SGSM3: variants seen among roughly 807,000 people sequenced by gnomAD.
SGSM3 encodes RUN and SH3 containing 3.
In SGSM3, 96 loss-of-function variants were observed where a neutral mutation model predicts 100.5. The observed-to-expected ratio is 0.96, with a 90% CI of 0.81 to 1.13. The LOEUF is 1.13. Among genes scored for constraint, SGSM3 ranks in the 50% most tolerant of loss-of-function variants. The pLI, the probability that SGSM3 is intolerant of heterozygous loss-of-function variation, is 0.00. For synonymous variants in SGSM3, 483 were observed against 422.8 expected (o/e 1.14, Z -1.75); for missense variants, 1,001 against 1,015.8 (o/e 0.99, Z 0.20).
Position 40,409,524 on chromosome 22 carries a change from A to G in SGSM3, c.2171A>G (p.Glu724Gly), listed in dbSNP as rs750288809. The stretch of plus-strand genomic sequence containing the variant: ...GACTGGGAGCTCCCTGCGAAGAGAG[A>G]GGTGGGTGGTGTGGGCCTCGTAGGG... ...SQDWELPAKR[E>G]AQQPLKEGVR... Residue 724 changes from glutamate (E) to glycine (G), a missense_variant and splice_region_variant, in exon 21 of 22, where the codon GAG becomes GGG. By Grantham distance (98) the Glu-to-Gly change is moderately conservative (BLOSUM62 -2). Transcript: ENST00000248929. 1.3e-6 allele frequency: 2 copies of G among 1,599,572 alleles called. No homozygotes were observed. The highest frequency in any genetic ancestry group is 1.7e-6 in the Non-Finnish European group (2 of 1,173,652).
chr22:40,387,467 A>G (rs1231027132), intron 1 of SGSM3: 1 of 346,628 alleles, frequency 2.9e-6, no homozygotes, highest in African/African-American at 2.1e-5. Context: ...TGTAAACTAT[A>G]TTTATGATCT....
intron 1 of SGSM3, among the ~76,000 whole-genome samples, chr22:40,400,197 A>C (rs1014888672): frequency 2.0e-5 from 3 of 152,198 alleles, no homozygotes; most frequent in Non-Finnish European, 4.4e-5. Flanking sequence ...AAAATGGCAA[A>C]AGTAAATTTT....
rs1427201526 is a variant in SGSM3 at position 40,398,681 on chromosome 22, A to G, written c.-111-2015A>G. On this transcript the variant is annotated intron_variant, in intron 1 of 21. Transcript: ENST00000248929. ...TATCGGCAATTTAATATGGTTCAAC[A>G]TAGTTTTTAGTATACCTCAATGAGG... Among the ~76,000 whole-genome samples the G allele has an allele frequency of 1.4e-5, 2 of 141,364 alleles. 1 individual carries two copies. Among genetic ancestry groups the G allele is most frequent in the Non-Finnish European group, 3.1e-5 (2 of 65,242 alleles). 92.7% of individuals were successfully genotyped at this position (141,364 alleles called of 152,430 possible).
chr22:40,394,998 T>C (rs6001900), intron 1 of SGSM3, among the ~76,000 whole-genome samples: 47,530 of 152,156 alleles, frequency 0.31, 9,711 homozygotes, highest in African/African-American at 0.55. Context: ...TGCCACGTGC[T>C]GAATATTGTT....
chr22:40,407,609 C>G lies in SGSM3; in HGVS notation c.1524+41C>G. The G allele has an allele frequency of 6.3e-7, 1 of 1,590,932 alleles. No homozygotes were observed. The highest frequency in any genetic ancestry group is 8.5e-7 in the Non-Finnish European group (1 of 1,172,514). Reference sequence around the variant, plus strand: ...GGACTACCAGGTCCTCAGGCTGTGGCGGGTTCCCCAGACTCCCTCCACCAA... The same window carrying G: ...GGACTACCAGGTCCTCAGGCTGTGGGGGGTTCCCCAGACTCCCTCCACCAA... On this transcript the variant is annotated intron_variant, in intron 13 of 21. Transcript: ENST00000248929. This position sits in a 1 kb window ranked among gnomAD's most constrained non-coding sequence, Gnocchi z 4.7.
Position 40,400,427 on chromosome 22 carries a change from G to A in SGSM3, c.-111-269G>A, listed in dbSNP as rs940215391. ...GGGAGGCCGAGGCCGGCGGGATCAC[G>A]AGGTCAGGAGTTCGAGACCAGCCTG... On this transcript the variant is annotated intron_variant, in intron 1 of 21. Coordinates refer to ENST00000248929, the MANE Select transcript of SGSM3 (RefSeq NM_015705.6). 2.6e-5 allele frequency among the ~76,000 whole-genome samples: 4 copies of A among 152,128 alleles called. No individual in the cohort carries two copies. In the East Asian group the frequency reaches 5.8e-4, roughly 22 times the overall value.
chr22:40,387,005 A>G (rs1051412326), intron 1 of SGSM3, among the ~76,000 whole-genome samples: 16 of 152,098 alleles, frequency 1.1e-4, no homozygotes, highest in African/African-American at 3.9e-4. Context: ...TCCCAAGTCA[A>G]GATATTTTGT....
intron 10 of SGSM3, 70 bp from the exon 11 acceptor site, chr22:40,406,947 T>G: frequency 6.9e-7 from 1 of 1,443,832 alleles, no homozygotes; most frequent in Non-Finnish European, 9.5e-7. Flanking sequence ...TGAGACAGTA[T>G]AAGCCAAGGG....
intron 4 of SGSM3, 45 bp from the exon 5 acceptor site, chr22:40,404,202 T>C (rs2051133717): frequency 7.5e-6 from 11 of 1,464,040 alleles, no homozygotes; most frequent in Non-Finnish European, 1.0e-5. Context: ...GGAGAACACG[T>C]AGTAGAGAAT....
intron 1 of SGSM3, among the ~76,000 whole-genome samples, chr22:40,389,907 A>AG (rs1412015376): frequency 1.4e-5 from 2 of 144,600 alleles, no homozygotes; most frequent in African/African-American, 5.1e-5. Context: ...TCCGTCTCAA[A>AG]AAAAAAAAGA....
chr22:40,409,660 T>C lies in SGSM3; in HGVS notation c.2173-22T>C, dbSNP rs776125159. 508 of 1,612,628 alleles carry C rather than the reference T, an allele frequency of 3.2e-4. 1 individual carries two copies. The highest frequency in any genetic ancestry group is 9.3e-5 in the Non-Finnish European group (110 of 1,179,588). On this transcript the variant is annotated intron_variant, in intron 21 of 21. Coordinates refer to ENST00000248929, the MANE Select transcript of SGSM3 (RefSeq NM_015705.6). ...CCAGCCATGCCCAAGGCCTGTGAGGTGAGGGGCTGCCCTGTTTGCAGGCGC... is the reference window on the plus strand; with the variant it reads ...CCAGCCATGCCCAAGGCCTGTGAGGCGAGGGGCTGCCCTGTTTGCAGGCGC...
chr22:40,407,235 C>T lies in SGSM3; in HGVS notation c.1275C>T (p.Asn425=), dbSNP rs780785069. Residue 425 remains asparagine, a synonymous_variant, in exon 12 of 22, where the codon AAC becomes AAT. Transcript: ENST00000248929. This position sits in a 1 kb window ranked among gnomAD's most constrained non-coding sequence, Gnocchi z 4.7. ...ACCTGGAGGCACTCAAGGCCAAGAACATCAAGCAGACGGAACTGGTGGCTG... is the reference window on the plus strand; with the variant it reads ...ACCTGGAGGCACTCAAGGCCAAGAATATCAAGCAGACGGAACTGGTGGCTG... The part of the protein sequence containing the change: ...EDDLEALKAK[N]IKQTELVADL... 6.2e-7 allele frequency: 1 copy of T among 1,613,710 alleles called. No individual in the cohort carries two copies. Among genetic ancestry groups the T allele is most frequent in the Non-Finnish European group, 8.5e-7 (1 of 1,180,034 alleles).
chr22:40,383,143 A>G (rs902695233), intron 1 of SGSM3, among the ~76,000 whole-genome samples: 3 of 152,204 alleles, frequency 2.0e-5, no homozygotes, highest in Admixed American at 6.5e-5. Flanking sequence ...GTTTATAGAT[A>G]AGGCACCTAC....
chr22:40,397,411 A>T (rs537328824), intron 1 of SGSM3, among the ~76,000 whole-genome samples: 21 of 152,202 alleles, frequency 1.4e-4, no homozygotes, highest in East Asian at 3.9e-4. Flanking sequence ...TAAAAAAAAA[A>T]ATATGATAAA....
intron 8 of SGSM3, 57 bp from the exon 9 acceptor site, chr22:40,406,021 C>A: frequency 1.3e-6 from 2 of 1,590,304 alleles, no homozygotes; most frequent in Non-Finnish European, 1.7e-6. Context: ...GCTGCAGTTC[C>A]GGGGAGGGAG....
chr22:40,402,650 A>G (rs1433596257), intron 4 of SGSM3, among the ~76,000 whole-genome samples: 1 of 152,196 alleles, frequency 6.6e-6, no homozygotes, highest in East Asian at 1.9e-4. Flanking sequence ...GAGGCAGGAG[A>G]ATCTCTTGAA....
intron 1 of SGSM3, among the ~76,000 whole-genome samples, chr22:40,393,358 TC>T (rs1253894157): frequency 6.6e-6 from 1 of 152,270 alleles, no homozygotes; most frequent in Admixed American, 6.5e-5. Context: ...CCTCAGGTGA[TC>T]CGCCTGCCTT....
intron 1 of SGSM3, among the ~76,000 whole-genome samples, chr22:40,392,765 CA>C (rs2049529277): frequency 6.6e-6 from 1 of 152,228 alleles, no homozygotes; most frequent in African/African-American, 2.4e-5. Flanking sequence ...GTGCAACCAT[CA>C]TCAGTATCTA....
At chr22:40,406,940 G>A in intron 10 of SGSM3, 77 bp from the exon 11 acceptor site, 1 of 1,380,088 alleles carries the variant, frequency 7.2e-7, no homozygotes, top group South Asian at 1.2e-5. Flanking sequence ...TTTCAGATGA[G>A]ACAGTATAAG....
Sources: gnomAD v4.1 joint callset for allele counts (sites outside exome capture counted in the v4.1 genomes callset) on GRCh38, gnomAD v4.1.1 for gene constraint, Gnocchi (gnomAD v3.1) non-coding constraint, MANE v1.5 for transcripts, NCBI Gene and HGNC (gene_info 2026-07-23, HGNC 2026-07-21) for gene names.